The following PRDM16 variants were observed in gnomAD, a reference collection of about 807,000 sequenced individuals.
PRDM16 encodes histone-lysine N-methyltransferase PRDM16.
Under a neutral mutation model 110.6 loss-of-function variants are expected in PRDM16, and 23 were observed. That is an observed-to-expected ratio of 0.21 (90% CI 0.15 to 0.29). The LOEUF (loss-of-function observed/expected upper bound fraction) is 0.29, where lower values mean the gene tolerates loss of function less well. Ranked by LOEUF, PRDM16 falls within the 10% of genes least tolerant of loss-of-function variation. The pLI, the probability that PRDM16 is intolerant of heterozygous loss-of-function variation, is 1.00. For synonymous variants in PRDM16, 799 were observed against 781.8 expected (o/e 1.02, Z -0.37); for missense variants, 1,615 against 1,794.3 (o/e 0.90, Z 1.81).
In PRDM16 at chr1:3,255,783, T is replaced by C. The variant is rs990736655; in HGVS notation, c.438+11646T>C. On this transcript the variant is annotated intron_variant, in intron 3 of 16. Transcript: ENST00000270722. This position sits in a 1 kb window ranked among gnomAD's most constrained non-coding sequence, Gnocchi z 4.7. ...AGACAGCAGACACACATAGTCCTCA[T>C]CCTCCTTAGGCCTTGGCTCAGAATG... is the stretch of plus-strand genomic sequence containing the variant. 6.6e-6 allele frequency among the ~76,000 whole-genome samples: 1 copy of C among 152,012 alleles called. No homozygotes were observed. Among genetic ancestry groups the C allele is most frequent in the African/African-American group, 2.4e-5 (1 of 41,404 alleles).
rs571195680 is a variant in PRDM16 at position 3,271,834 on chromosome 1, C to T, written c.438+27697C>T. On this transcript the variant is annotated intron_variant, in intron 3 of 16. Coordinates refer to ENST00000270722, the MANE Select transcript of PRDM16 (RefSeq NM_022114.4). ...GCAGCAGGCCGCGGAGTCCTGGGCACAGGGCTCCCTTCTCTCTTCTGCTCC... is the reference window on the plus strand; with the variant it reads ...GCAGCAGGCCGCGGAGTCCTGGGCATAGGGCTCCCTTCTCTCTTCTGCTCC... Among the ~76,000 whole-genome samples, 11 of 152,328 alleles carry T rather than the reference C, an allele frequency of 7.2e-5. No homozygotes were observed. In the East Asian group the frequency reaches 2.1e-3, roughly 29 times the overall value.
In PRDM16 at chr1:3,159,909, A is replaced by G. The variant is rs566389849; in HGVS notation, c.38-26216A>G. Among the ~76,000 whole-genome samples, 35 of 152,342 alleles carry G rather than the reference A, an allele frequency of 2.3e-4. No individual in the cohort carries two copies. In the South Asian group the frequency reaches 6.4e-3, roughly 28 times the overall value. On this transcript the variant is annotated intron_variant, in intron 1 of 16. Coordinates refer to ENST00000270722, the MANE Select transcript of PRDM16 (RefSeq NM_022114.4). ...CCAGTAAACTTTACCTTTCAGATCAACCACAAATACTTTTATAGTATAAGC... is the reference window on the plus strand; with the variant it reads ...CCAGTAAACTTTACCTTTCAGATCAGCCACAAATACTTTTATAGTATAAGC...
At chr1:3,394,639 C>T (rs1345188414) in intron 4 of PRDM16, 16 of 330,276 alleles carry the variant, frequency 4.8e-5, no homozygotes, top group Non-Finnish European at 9.0e-5. Flanking sequence ...GGCCAGGCCA[C>T]CTGCCCCACG....
chr1:3,283,087 G>A (rs1208142932), intron 3 of PRDM16, among the ~76,000 whole-genome samples: 4 of 152,240 alleles, frequency 2.6e-5, no homozygotes, highest in South Asian at 4.1e-4. Context: ...TGCGGGGTGC[G>A]TCTTCACTCT....
intron 3 of PRDM16, among the ~76,000 whole-genome samples, chr1:3,318,244 G>C (rs533714963): frequency 6.6e-6 from 1 of 152,162 alleles, no homozygotes; most frequent in Admixed American, 6.5e-5. Context: ...AAGGTCTTCC[G>C]AGCTCCTTTC....
At chr1:3,187,359 C>G (rs1449624095) in intron 2 of PRDM16, among the ~76,000 whole-genome samples, 1 of 152,236 alleles carries the variant, frequency 6.6e-6, no homozygotes, top group East Asian at 1.9e-4. Flanking sequence ...GCCTCCCAGC[C>G]TCTGGAGTGC....
chr1:3,135,018 GTGC>G (rs1177784605), intron 1 of PRDM16, among the ~76,000 whole-genome samples: 5 of 152,216 alleles, frequency 3.3e-5, no homozygotes, highest in African/African-American at 9.6e-5. Flanking sequence ...CCTGGTCCGC[GTGC>G]TGCTGCCCCC....
In PRDM16 at chr1:3,382,093, C is replaced by T. The variant is rs766346333; in HGVS notation, c.439-3059C>T. ...GGGCCTTTCCAGCGGTTTCCTGCTG[C>T]GCATCAGCAGTCAGGGTGGGAGGTG... is the stretch of plus-strand genomic sequence containing the variant. On this transcript the variant is annotated intron_variant, in intron 3 of 16. Coordinates refer to ENST00000270722, the MANE Select transcript of PRDM16 (RefSeq NM_022114.4). The surrounding 1 kb of genome is among the most constrained non-coding windows in gnomAD (Gnocchi z 6.6). Among the ~76,000 whole-genome samples, 43 of 152,240 alleles carry T rather than the reference C, an allele frequency of 2.8e-4. No homozygotes were observed. Among genetic ancestry groups the T allele is most frequent in the Non-Finnish European group, 3.7e-4 (25 of 68,048 alleles).
chr1:3,253,210 T>TTA (rs957076026), intron 3 of PRDM16, among the ~76,000 whole-genome samples: 1 of 151,678 alleles, frequency 6.6e-6, no homozygotes, highest in Non-Finnish European at 1.5e-5. Flanking sequence ...TTAATTTAAT[T>TTA]ATTATTATTA....
chr1:3,162,765 C>T (rs532956719), intron 1 of PRDM16, among the ~76,000 whole-genome samples: 156 of 152,306 alleles, frequency 1.0e-3, no homozygotes, highest in Non-Finnish European at 1.8e-3. Flanking sequence ...GACCTGGTGA[C>T]GCCTGTGCGA....
At chr1:3,221,119 G>A (rs539605681) in intron 2 of PRDM16, among the ~76,000 whole-genome samples, 1 of 152,344 alleles carries the variant, frequency 6.6e-6, no homozygotes, top group South Asian at 2.1e-4. Context: ...GCCGACACTG[G>A]CTTAGGGCCT....
intron 3 of PRDM16, among the ~76,000 whole-genome samples, chr1:3,273,326 A>G (rs1390632546): frequency 6.6e-6 from 1 of 152,166 alleles, no homozygotes; most frequent in Non-Finnish European, 1.5e-5. Context: ...CCTTCTGGGC[A>G]GGAGTGGGGA....
At chr1:3,072,833 C>T (rs1038496269) in intron 1 of PRDM16, among the ~76,000 whole-genome samples, 3 of 152,208 alleles carry the variant, frequency 2.0e-5, no homozygotes, top group African/African-American at 7.2e-5. Flanking sequence ...CGGGGCTGGC[C>T]GCCAGGGCTT....
In PRDM16 at chr1:3,265,507, CAGG is replaced by C. The variant is rs900849060; in HGVS notation, c.438+21373_438+21375del. On this transcript the variant is annotated intron_variant, in intron 3 of 16. Transcript: ENST00000270722. The surrounding 1 kb of genome is among the most constrained non-coding windows in gnomAD (Gnocchi z 4.5). ...AGTTGCCCTGCCTGCTTTTCGCTGC[CAGG>C]AGAAGGCAGATGCAGGGATGTGTGA... Among the ~76,000 whole-genome samples the C allele has an allele frequency of 2.6e-5, 4 of 151,988 alleles. No homozygotes were observed.
intron 2 of PRDM16, among the ~76,000 whole-genome samples, chr1:3,193,566 G>A (rs1043220708): frequency 9.2e-5 from 14 of 152,166 alleles, no homozygotes; most frequent in Admixed American, 2.0e-4. Flanking sequence ...CATCCCATCC[G>A]GCTCTGGGGG....
rs1044518524 is a variant in PRDM16, at chr1:3,243,652, G to A, written c.388-435G>A. ...GCCAAGTTACGTCTAAATACACGTG[G>A]TGTGATTCGCCGGCGGAACTTGGAG... On this transcript the variant is annotated intron_variant, in intron 2 of 16. Coordinates refer to ENST00000270722, the MANE Select transcript of PRDM16 (RefSeq NM_022114.4). The surrounding 1 kb of genome is among the most constrained non-coding windows in gnomAD (Gnocchi z 5.5). Among the ~76,000 whole-genome samples, 5 of 152,260 alleles carry A rather than the reference G, an allele frequency of 3.3e-5. No individual in the cohort carries two copies. The highest frequency in any genetic ancestry group is 7.3e-5 in the Non-Finnish European group (5 of 68,046).
At chr1:3,181,113 G>A (rs1269910867) in intron 1 of PRDM16, among the ~76,000 whole-genome samples, 1 of 120,864 alleles carries the variant, frequency 8.3e-6, no homozygotes, top group East Asian at 2.6e-4. Context: ...CTTACACGCG[G>A]CCTTACACAC....
chr1:3,424,215 G>C (rs1437071003), intron 12 of PRDM16, among the ~76,000 whole-genome samples: 3 of 152,160 alleles, frequency 2.0e-5, no homozygotes, highest in African/African-American at 7.2e-5. Flanking sequence ...CCCCCTCTTC[G>C]TTTCAGGCAT....
chr1:3,422,918 C>T (rs1321211927), intron 12 of PRDM16, among the ~76,000 whole-genome samples: 1 of 152,206 alleles, frequency 6.6e-6, no homozygotes, highest in Non-Finnish European at 1.5e-5. Context: ...GGAGCAGGGG[C>T]TCCCAGAGAA....
Sources: allele counts gnomAD v4.1 joint callset (sites outside exome capture counted in the v4.1 genomes callset), GRCh38; gene constraint gnomAD v4.1.1; non-coding constraint Gnocchi (gnomAD v3.1); transcripts MANE v1.5; gene names NCBI Gene and HGNC (gene_info 2026-07-23, HGNC 2026-07-21).